Variants in LMO7 observed in about 807,000 individuals in gnomAD.
LMO7 encodes the protein LIM domain 7.
Under a neutral mutation model 206.5 loss-of-function variants are expected in LMO7, and 120 were observed. That is an observed-to-expected ratio of 0.58 (90% CI 0.50 to 0.68). The LOEUF (loss-of-function observed/expected upper bound fraction) is 0.68. Ranked by LOEUF, LMO7 falls within the 30% of genes least tolerant of loss-of-function variation. LMO7 has a pLI of 0.00. For missense variants in LMO7, 1,959 were observed against 1,957.9 expected, an observed-to-expected ratio of 1.00 and a Z score of -0.01; for synonymous variants, 706 against 681.5, an observed-to-expected ratio of 1.04 and a Z score of -0.56.
chr13:75,678,752 AT>A (rs560565574), intron 1 of LMO7, among the ~76,000 whole-genome samples: 5 of 151,986 alleles, frequency 3.3e-5, no homozygotes, highest in African/African-American at 7.2e-5. Context: ...ATGATAAATA[AT>A]TTTTTTTCTG....
At chr13:75,703,969 T>G (rs1316220539) in intron 1 of LMO7, among the ~76,000 whole-genome samples, 2 of 152,178 alleles carry the variant, frequency 1.3e-5, no homozygotes, top group Non-Finnish European at 1.5e-5. Flanking sequence ...CTGTCAAAGA[T>G]GTTGCATCAT....
intron 4 of LMO7, among the ~76,000 whole-genome samples, chr13:75,773,493 T>A (rs1359971629): frequency 1.5e-4 from 23 of 152,140 alleles, no homozygotes; most frequent in Admixed American, 1.4e-3. Flanking sequence ...GTAAGGTAAT[T>A]ACGGCAGTCA....
intron 4 of LMO7, among the ~76,000 whole-genome samples, chr13:75,767,467 T>G (rs1296157123): frequency 6.6e-6 from 1 of 152,030 alleles, no homozygotes; most frequent in Non-Finnish European, 1.5e-5. Context: ...CTTTAAGAAA[T>G]TTTACGAACA....
chr13:75,820,047 A>C (rs968849974), intron 13 of LMO7, among the ~76,000 whole-genome samples: 1 of 152,212 alleles, frequency 6.6e-6, no homozygotes, highest in African/African-American at 2.4e-5. Flanking sequence ...GTCAAATTTA[A>C]ACTTTAATGT....
rs888685098 is a variant in LMO7 at position 75,811,718 on chromosome 13, A to G, written c.1946+2535A>G. Among the ~76,000 whole-genome samples, 11 of 152,154 alleles carry G rather than the reference A, an allele frequency of 7.2e-5. No individual in the cohort carries two copies. The South Asian group carries it at 8.3e-4, about 11-fold the overall frequency. ...TTTGTATGTGGTAGTCGTTTCTTCT[A>G]TGTGCTTTCGTCTTGCATGGATTTA... On this transcript the variant is annotated intron_variant, in intron 11 of 30. Transcript: ENST00000377534.
intron 4 of LMO7, among the ~76,000 whole-genome samples, chr13:75,773,452 A>T (rs928055322): frequency 1.3e-5 from 2 of 152,194 alleles, no homozygotes; most frequent in African/African-American, 4.8e-5. Flanking sequence ...CAATGAATTG[A>T]AGGAGAACAA....
At chr13:75,818,834 TTA>T (rs2057310919) in intron 12 of LMO7, among the ~76,000 whole-genome samples, 1 of 152,276 alleles carries the variant, frequency 6.6e-6, no homozygotes, top group Admixed American at 6.5e-5. Flanking sequence ...GAACTTTTGT[TTA>T]TATGTCTGTC....
At chr13:75,679,412 G>A (rs1657706444) in intron 1 of LMO7, among the ~76,000 whole-genome samples, 2 of 152,164 alleles carry the variant, frequency 1.3e-5, no homozygotes, top group Non-Finnish European at 2.9e-5. Context: ...ACTTGGAAAC[G>A]AGTAAGACTC....
At chr13:75,821,016 A>G (rs1293575438) in intron 13 of LMO7, among the ~76,000 whole-genome samples, 161 bp from the exon 14 acceptor site, 1 of 150,178 alleles carries the variant, frequency 6.7e-6, no homozygotes, top group African/African-American at 2.4e-5. Flanking sequence ...AAAAAAAAAG[A>G]TAATTGTATA....
At chr13:75,625,840 A>G (rs989121436) in intron 2 of LMO7, among the ~76,000 whole-genome samples, 4 of 152,182 alleles carry the variant, frequency 2.6e-5, no homozygotes, top group African/African-American at 9.6e-5. Context: ...TTTCATAGGG[A>G]ATCTTCTGAT....
intron 1 of LMO7, among the ~76,000 whole-genome samples, chr13:75,660,243 A>G (rs551038650): frequency 6.6e-6 from 1 of 152,332 alleles, no homozygotes; most frequent in Admixed American, 6.5e-5. Context: ...AAGAGGGATT[A>G]AAAAAGTACA....
At chr13:75,702,203 T>C (rs1434029244) in intron 1 of LMO7, among the ~76,000 whole-genome samples, 2 of 152,200 alleles carry the variant, frequency 1.3e-5, no homozygotes, top group East Asian at 3.9e-4. Flanking sequence ...CTTTTAATTA[T>C]CTGGGCACAC....
intron 11 of LMO7, among the ~76,000 whole-genome samples, chr13:75,814,451 G>T (rs987015848): frequency 1.3e-5 from 2 of 152,154 alleles, no homozygotes; most frequent in African/African-American, 4.8e-5. Context: ...TATGAAAAAG[G>T]TATAGCTGAA....
intron 8 of LMO7, chr13:75,804,758 T>G: frequency 9.4e-7 from 1 of 1,062,386 alleles, no homozygotes; most frequent in Non-Finnish European, 1.2e-6. Flanking sequence ...AGGTCTTTTT[T>G]TAGATGCATG....
chr13:75,770,754 G>T (rs566819265), intron 4 of LMO7, among the ~76,000 whole-genome samples: 2 of 152,008 alleles, frequency 1.3e-5, no homozygotes, highest in Non-Finnish European at 2.9e-5. Context: ...AAGAGCTTTC[G>T]AACACTGTCA....
rs2054192597 is a variant in LMO7, at chr13:75,797,578, C to G, written c.462+829C>G. 2.0e-5 allele frequency among the ~76,000 whole-genome samples: 3 copies of G among 152,104 alleles called. No homozygotes were observed. In the South Asian group the frequency reaches 6.2e-4, roughly 32 times the overall value. On this transcript the variant is annotated intron_variant, in intron 6 of 30. Coordinates refer to ENST00000377534, the MANE Select transcript of LMO7 (RefSeq NM_001306080.2). Reference sequence around the variant, plus strand: ...GGTTTCTCTAATGGTTAAATGATACCACACCAGTAAGGCATTTAGCATTAG... The same window carrying G: ...GGTTTCTCTAATGGTTAAATGATACGACACCAGTAAGGCATTTAGCATTAG...
At chr13:75,740,066 A>T (rs1013377146) in intron 3 of LMO7, among the ~76,000 whole-genome samples, 3 of 152,222 alleles carry the variant, frequency 2.0e-5, no homozygotes, top group Non-Finnish European at 4.4e-5. Context: ...TCTGAGTAGG[A>T]GGCCGGAATG....
At chr13:75,639,638 T>C (rs914859847) in intron 1 of LMO7, among the ~76,000 whole-genome samples, 2 of 152,222 alleles carry the variant, frequency 1.3e-5, no homozygotes, top group African/African-American at 4.8e-5. Flanking sequence ...TGCCTAATAG[T>C]TGCCTTTGTC....
At chr13:75,768,471 T>C (rs2049188482) in intron 4 of LMO7, among the ~76,000 whole-genome samples, 1 of 152,070 alleles carries the variant, frequency 6.6e-6, no homozygotes, top group Non-Finnish European at 1.5e-5. Flanking sequence ...GCCAACACAA[T>C]TGAATTAACT....
Sources: allele counts gnomAD v4.1 joint callset (sites outside exome capture counted in the v4.1 genomes callset), GRCh38; gene constraint gnomAD v4.1.1; transcripts MANE v1.5; gene names NCBI Gene and HGNC (gene_info 2026-07-23, HGNC 2026-07-21).